Variants in CD226 observed in about 807,000 individuals in gnomAD.
CD226 encodes the protein CD226 molecule.
Under a neutral mutation model 34.9 loss-of-function variants are expected in CD226, and 24 were observed. The observed-to-expected ratio is 0.69, with a 90% CI of 0.50 to 0.97. The LOEUF (loss-of-function observed/expected upper bound fraction) is 0.97. Ranked by LOEUF, CD226 falls within the 50% of genes least tolerant of loss-of-function variation. The probability of loss-of-function intolerance (pLI) is 0.00; values close to 1 mark genes in which losing one functional copy is unlikely to be tolerated. For missense variants in CD226, 397 were observed against 412.7 expected, an observed-to-expected ratio of 0.96 and a Z score of 0.33; for synonymous variants, 148 against 147.4, an observed-to-expected ratio of 1.00 and a Z score of -0.03.
intron 2 of CD226, among the ~76,000 whole-genome samples, chr18:69,919,554 G>A (rs1300898301): frequency 6.6e-6 from 1 of 152,180 alleles, no homozygotes; most frequent in Non-Finnish European, 1.5e-5. Flanking sequence ...TGAAAGAACT[G>A]AAGGCAAGGA....
rs531785882 is a variant in CD226 at position 69,876,396 on chromosome 18, T to G, written c.728-3150A>C. ...CCACTTGTGACACACTGTTCAATTA[T>G]AAATCCAAATTTCAGATGCATTGTT... is the stretch of plus-strand genomic sequence containing the variant. On this transcript the variant is annotated intron_variant, in intron 3 of 5. Coordinates refer to ENST00000582621, the MANE Select transcript of CD226 (RefSeq NM_001303618.2). 5.1e-4 allele frequency among the ~76,000 whole-genome samples: 77 copies of G among 152,362 alleles called. 1 individual carries two copies. Among genetic ancestry groups the G allele is most frequent in the African/African-American group, 1.8e-3 (76 of 41,594 alleles).
chr18:69,949,889 CTA>C (rs1036253871), upstream of CD226, among the ~76,000 whole-genome samples: 36 of 152,208 alleles, frequency 2.4e-4, 1 homozygote, highest in African/African-American at 7.9e-4. Context: ...CTGTCTCACT[CTA>C]TCTCAATCAC....
chr18:69,917,137 A>G (rs1363663085), intron 2 of CD226, among the ~76,000 whole-genome samples: 1 of 152,232 alleles, frequency 6.6e-6, no homozygotes, highest in African/African-American at 2.4e-5. Context: ...TAGTACAGCC[A>G]GAGTAATCTT....
In CD226 at chr18:69,860,731, T is replaced by C. The variant is rs1223049334; in HGVS notation, c.*3583A>G. 6.6e-6 allele frequency: 1 copy of C among 152,086 alleles called. No individual in the cohort carries two copies. Among genetic ancestry groups the C allele is most frequent in the African/African-American group, 2.4e-5 (1 of 41,436 alleles). The allele number at this position is 152,086 out of a possible 1,614,324, so 9.4% of individuals were successfully genotyped here. ...AAGTCTGAAGGTGGAGATCAGTACT[T>C]TCTAGATGTTACATTTTAATAGTAG... On this transcript the variant is annotated 3_prime_UTR_variant, in exon 6 of 6. Coordinates refer to ENST00000582621, the MANE Select transcript of CD226 (RefSeq NM_001303618.2).
intron 2 of CD226, among the ~76,000 whole-genome samples, chr18:69,934,169 GAAAT>G (rs2145338772): frequency 6.6e-6 from 1 of 152,166 alleles, no homozygotes; most frequent in East Asian, 1.9e-4. Context: ...TTTGCAAAGA[GAAAT>G]AAATGTATCC....
intron 4 of CD226, among the ~76,000 whole-genome samples, chr18:69,871,696 G>A (rs1321731381): frequency 6.6e-6 from 1 of 152,200 alleles, no homozygotes; most frequent in African/African-American, 2.4e-5. Context: ...AACCAGATGG[G>A]GAGAGCAATG....
intron 2 of CD226, among the ~76,000 whole-genome samples, chr18:69,910,770 T>C (rs1362229242): frequency 6.6e-6 from 1 of 152,236 alleles, no homozygotes; most frequent in Non-Finnish European, 1.5e-5. Flanking sequence ...GGAAACTATC[T>C]GTACTAGTTT....
chr18:69,857,047 A>C lies in CD226; in HGVS notation c.*7267T>G, dbSNP rs1788104. On this transcript the variant is annotated 3_prime_UTR_variant, in exon 6 of 6. Coordinates refer to ENST00000582621, the MANE Select transcript of CD226 (RefSeq NM_001303618.2). The stretch of plus-strand genomic sequence containing the variant: ...AGCTGGGCATGGTGGTGGGCGCCTG[A>C]AGTCCCAGCTACTCGGGAGGCTGAG... 18 of 152,336 alleles carry C rather than the reference A, an allele frequency of 1.2e-4. No individual in the cohort carries two copies. Among genetic ancestry groups the C allele is most frequent in the African/African-American group, 4.3e-4 (18 of 41,542 alleles). The allele number at this position is 152,336 out of a possible 1,614,324, so 9.4% of individuals were successfully genotyped here. A position where few individuals can be genotyped will look rare whatever the true frequency, so the allele number is the denominator to read the frequency against.
At chr18:69,942,535 T>C (rs1461652469) in intron 2 of CD226, among the ~76,000 whole-genome samples, 1 of 152,228 alleles carries the variant, frequency 6.6e-6, no homozygotes, top group Admixed American at 6.5e-5. Flanking sequence ...CAATAACTTT[T>C]CGGGTTTATT....
intron 4 of CD226, among the ~76,000 whole-genome samples, chr18:69,872,457 C>T (rs1466251317): frequency 6.6e-6 from 1 of 151,992 alleles, no homozygotes; most frequent in Non-Finnish European, 1.5e-5. Context: ...TGCTATGTTG[C>T]CCAGGCTGGA....
chr18:69,888,354 T>C (rs1329915760), intron 3 of CD226, among the ~76,000 whole-genome samples: 1 of 151,964 alleles, frequency 6.6e-6, no homozygotes, highest in Admixed American at 6.6e-5. Flanking sequence ...TATTTCACAG[T>C]CAGAGTCATT....
chr18:69,914,278 A>G (rs1235663347), intron 2 of CD226, among the ~76,000 whole-genome samples: 2 of 152,234 alleles, frequency 1.3e-5, no homozygotes, highest in African/African-American at 4.8e-5. Context: ...CTTCAAGTCA[A>G]TCACCTCATA....
Position 69,880,353 on chromosome 18 carries a change from A to AAGGAAGGAAGG in CD226, c.728-7108_728-7107insCCTTCCTTCCT, listed in dbSNP as rs1555678454. On this transcript the variant is annotated intron_variant, in intron 3 of 5. Coordinates refer to ENST00000582621, the MANE Select transcript of CD226 (RefSeq NM_001303618.2). ...GAGAGAAAGAAAGAAAGAAAGAAAG[A>AAGGAAGGAAGG]AAGAAAGGAAGGAAGGAAGGAAGGA... Among the ~76,000 whole-genome samples the AAGGAAGGAAGG allele has an allele frequency of 5.2e-3, 622 of 118,620 alleles. 1 individual carries two copies. Among genetic ancestry groups the AAGGAAGGAAGG allele is most frequent in the African/African-American group, 9.0e-3 (235 of 26,000 alleles). The allele number at this position is 118,620 out of a possible 152,430, so 77.8% of individuals were successfully genotyped here.
upstream of CD226, among the ~76,000 whole-genome samples, chr18:69,948,262 C>T (rs1030972827): frequency 1.3e-5 from 2 of 152,032 alleles, no homozygotes; most frequent in Non-Finnish European, 2.9e-5. Context: ...ATACAAGTTC[C>T]AATTCTTAAG....
Position 69,880,352 on chromosome 18 carries a change from GA to G in CD226, c.728-7107del, listed in dbSNP as rs763387409. 2.5e-3 allele frequency among the ~76,000 whole-genome samples: 281 copies of G among 111,998 alleles called. 2 individuals carry two copies. Among genetic ancestry groups the G allele is most frequent in the African/African-American group, 6.4e-3 (234 of 36,672 alleles). The allele number at this position is 111,998 out of a possible 152,430, so 73.5% of individuals were successfully genotyped here. A position where few individuals can be genotyped will look rare whatever the true frequency, so the allele number is the denominator to read the frequency against. On this transcript the variant is annotated intron_variant, in intron 3 of 5. Coordinates refer to ENST00000582621, the MANE Select transcript of CD226 (RefSeq NM_001303618.2). ...AGAGAGAAAGAAAGAAAGAAAGAAA[GA>G]AAGAAAGGAAGGAAGGAAGGAAGGA... is the stretch of plus-strand genomic sequence containing the variant.
chr18:69,890,477 C>A (rs1984828022), intron 3 of CD226, among the ~76,000 whole-genome samples: 1 of 151,786 alleles, frequency 6.6e-6, no homozygotes, highest in South Asian at 2.1e-4. Flanking sequence ...TAAATAAATA[C>A]AAATAGATGG....
intron 3 of CD226, among the ~76,000 whole-genome samples, chr18:69,880,506 G>C (rs1599387492): frequency 1.3e-5 from 2 of 152,122 alleles, no homozygotes; most frequent in South Asian, 4.2e-4. Flanking sequence ...CTTAAATATG[G>C]AACCTAAAAA....
chr18:69,961,193 ATATGAATGTAC>A (rs2055928085), upstream of CD226, among the ~76,000 whole-genome samples: 1 of 152,226 alleles, frequency 6.6e-6, no homozygotes, highest in Admixed American at 6.5e-5. Context: ...GTGTGAATAT[ATATGAATGTAC>A]CTCAAGAATT....
In CD226 at chr18:69,856,623, A is replaced by T. The variant is rs1982617552; in HGVS notation, c.*7691T>A. On this transcript the variant is annotated 3_prime_UTR_variant, in exon 6 of 6. Coordinates refer to ENST00000582621, the MANE Select transcript of CD226 (RefSeq NM_001303618.2). ...CAAAGAATGTTTTTAAAACATGATG[A>T]AATTAAGTTAGAAATCTGTAAGAGA... The T allele has an allele frequency of 6.6e-6, 1 of 152,202 alleles. No individual in the cohort carries two copies. The highest frequency in any genetic ancestry group is 1.5e-5 in the Non-Finnish European group (1 of 68,022). The allele number at this position is 152,202 out of a possible 1,614,324, so 9.4% of individuals were successfully genotyped here.
Sources: gnomAD v4.1 joint callset for allele counts (sites outside exome capture counted in the v4.1 genomes callset) on GRCh38, gnomAD v4.1.1 for gene constraint, MANE v1.5 for transcripts, NCBI Gene and HGNC (gene_info 2026-07-23, HGNC 2026-07-21) for gene names.